Variants in SLC25A42 observed in about 807,000 individuals in gnomAD.
The protein encoded by SLC25A42 is mitochondrial coenzyme A transporter SLC25A42.
SLC25A42 carries 19 observed loss-of-function variants against 34.7 expected under a neutral mutation model. The observed-to-expected ratio is 0.55, with a 90% CI of 0.38 to 0.80. The LOEUF is 0.80. SLC25A42 is among the 30% of genes least tolerant of loss of function. The probability of loss-of-function intolerance (pLI) is 0.00; values close to 1 mark genes in which losing one functional copy is unlikely to be tolerated. For synonymous variants in SLC25A42, 205 were observed against 191.2 expected, an observed-to-expected ratio of 1.07 and a Z score of -0.59; for missense variants, 364 against 441.3, an observed-to-expected ratio of 0.82 and a Z score of 1.57.
At chr19:19,072,406 C>T (rs777350064) in intron 1 of SLC25A42, among the ~76,000 whole-genome samples, 17 of 152,140 alleles carry the variant, frequency 1.1e-4, no homozygotes, top group Non-Finnish European at 2.2e-4. Flanking sequence ...TTTTCAGAGT[C>T]TCACTGTGTT....
intron 2 of SLC25A42, among the ~76,000 whole-genome samples, chr19:19,100,432 T>A (rs2059789499): frequency 6.6e-6 from 1 of 151,962 alleles, no homozygotes; most frequent in African/African-American, 2.4e-5. Flanking sequence ...CTCTTTGCCA[T>A]CTCCTTTCTC....
intron 1 of SLC25A42, among the ~76,000 whole-genome samples, chr19:19,084,795 T>C (rs16995891): frequency 0.014 from 2,177 of 152,088 alleles, 48 homozygotes; most frequent in African/African-American, 0.047. Flanking sequence ...AGCAAAGTCT[T>C]GAGTAAGGGC....
At chr19:19,083,934 G>A (rs2145906712) in intron 1 of SLC25A42, among the ~76,000 whole-genome samples, 1 of 140,966 alleles carries the variant, frequency 7.1e-6, no homozygotes, top group East Asian at 2.1e-4. Flanking sequence ...GCACACACCT[G>A]CCCGCACCCC....
At chr19:19,080,566 G>A (rs1474095983) in intron 1 of SLC25A42, among the ~76,000 whole-genome samples, 1 of 152,108 alleles carries the variant, frequency 6.6e-6, no homozygotes, top group Non-Finnish European at 1.5e-5. Context: ...AGGATCACTT[G>A]AGGCCAGGAG....
At chr19:19,106,417 C>T in intron 6 of SLC25A42, 32 bp downstream of exon 6, 1 of 1,557,700 alleles carries the variant, frequency 6.4e-7, no homozygotes, top group Non-Finnish European at 8.8e-7. Flanking sequence ...GCGCATCAGC[C>T]CCGGGGGCTC....
At position 19,081,801 on chromosome 19, in the gene SLC25A42, C is replaced by A. The variant is rs549110819; in HGVS notation, c.-34-14290C>A. On this transcript the variant is annotated intron_variant, in intron 1 of 7. Transcript: ENST00000318596. The surrounding 1 kb of genome is among the most constrained non-coding windows in gnomAD (Gnocchi z 4.5). ...GGCTTCCTTGCCTCACTGTCCTCTT[C>A]GCTCCTTTAGCCGAGTGACCTCTGT... is the stretch of plus-strand genomic sequence containing the variant. Among the ~76,000 whole-genome samples, 43 of 152,334 alleles carry A rather than the reference C, an allele frequency of 2.8e-4. No individual in the cohort carries two copies. Among genetic ancestry groups the A allele is most frequent in the Middle Eastern group, 3.4e-3 (1 of 294 alleles).
Position 19,109,390 on chromosome 19 carries a change from C to T in SLC25A42, c.650-1179C>T, listed in dbSNP as rs959556142. On this transcript the variant is annotated intron_variant, in intron 7 of 7. Transcript: ENST00000318596. The surrounding 1 kb of genome is among the most constrained non-coding windows in gnomAD (Gnocchi z 4.1). ...CTCACCCCACGTGATGCCATCAGACCCCTTGTTTTTGCCCACCTGGTGAGC... is the reference window on the plus strand; with the variant it reads ...CTCACCCCACGTGATGCCATCAGACTCCTTGTTTTTGCCCACCTGGTGAGC... 6.6e-6 allele frequency among the ~76,000 whole-genome samples: 1 copy of T among 152,194 alleles called. No homozygotes were observed. The highest frequency in any genetic ancestry group is 2.4e-5 in the African/African-American group (1 of 41,446).
chr19:19,096,273 G>GCTCCCTGC, intron 2 of SLC25A42, 68 bp downstream of exon 2: 1 of 1,008,554 alleles, frequency 9.9e-7, no homozygotes, highest in East Asian at 5.2e-5. Flanking sequence ...CCCCTCCCAG[G>GCTCCCTGC]CTCCCTGCCT....
At chr19:19,101,965 C>A in intron 3 of SLC25A42, 79 bp downstream of exon 3, 1 of 848,232 alleles carries the variant, frequency 1.2e-6, no homozygotes, top group South Asian at 1.7e-5. Context: ...AACCACGCTT[C>A]AAATTGGCTT....
chr19:19,064,515 C>T (rs1369133658), intron 1 of SLC25A42, among the ~76,000 whole-genome samples: 1 of 147,454 alleles, frequency 6.8e-6, no homozygotes, highest in Non-Finnish European at 1.5e-5. Flanking sequence ...CACCCCCACA[C>T]CCACACCTGA....
intron 1 of SLC25A42, among the ~76,000 whole-genome samples, chr19:19,064,769 C>T (rs1042533868): frequency 6.6e-5 from 10 of 151,688 alleles, no homozygotes; most frequent in African/African-American, 2.4e-4. Flanking sequence ...TGTGTTCGCA[C>T]ACCCTCTGTA....
At chr19:19,086,681 C>T (rs1005735980) in intron 1 of SLC25A42, among the ~76,000 whole-genome samples, 1 of 152,028 alleles carries the variant, frequency 6.6e-6, no homozygotes, top group Non-Finnish European at 1.5e-5. Flanking sequence ...TGCTCTCTCA[C>T]CCAGGCTGGA....
intron 1 of SLC25A42, among the ~76,000 whole-genome samples, chr19:19,092,187 C>T (rs1416790900): frequency 2.0e-5 from 3 of 152,224 alleles, no homozygotes; most frequent in African/African-American, 7.2e-5. Flanking sequence ...ACTTAGGGCC[C>T]ACCCTAACCC....
At chr19:19,101,678 C>A in intron 2 of SLC25A42, 103 bp from the exon 3 acceptor site, 2 of 1,033,600 alleles carry the variant, frequency 1.9e-6, no homozygotes, top group South Asian at 3.1e-5. Context: ...GGGTACATCC[C>A]TCGGCCCCGG....
chr19:19,083,495 A>C (rs1404529384), intron 1 of SLC25A42, among the ~76,000 whole-genome samples: 1 of 152,212 alleles, frequency 6.6e-6, no homozygotes, highest in Non-Finnish European at 1.5e-5. Flanking sequence ...CCCAAATGTC[A>C]GGACAAGAGG....
intron 1 of SLC25A42, among the ~76,000 whole-genome samples, chr19:19,066,056 C>T (rs1263986066): frequency 6.6e-6 from 1 of 152,128 alleles, no homozygotes; most frequent in Non-Finnish European, 1.5e-5. Context: ...GGGGTTTCAC[C>T]ATGTTGGCTA....
chr19:19,089,421 A>G (rs190365985), intron 1 of SLC25A42, among the ~76,000 whole-genome samples: 2,029 of 151,828 alleles, frequency 0.013, 42 homozygotes, highest in African/African-American at 0.044. Flanking sequence ...CCAGCTACTC[A>G]GGAGGCTGAG....
At position 19,107,998 on chromosome 19, in the gene SLC25A42, C is replaced by G. The variant is rs925587101; in HGVS notation, c.602C>G (p.Ala201Gly). ...ACCGTGCTGGGGGTCATTCCCTACGCTGGCCTGAGCTTCTTCACCTATGAG... is the reference window on the plus strand; with the variant it reads ...ACCGTGCTGGGGGTCATTCCCTACGGTGGCCTGAGCTTCTTCACCTATGAG... ...MPTVLGVIPY[A>G]GLSFFTYETL... Residue 201 changes from alanine to glycine, a missense_variant, in exon 7 of 8, where the codon GCT becomes GGT. By Grantham distance (60) the Ala-to-Gly change is moderately conservative (BLOSUM62 0). Transcript: ENST00000318596. The G allele has an allele frequency of 2.5e-6, 4 of 1,609,828 alleles. No homozygotes were observed. Among genetic ancestry groups the G allele is most frequent in the African/African-American group, 2.7e-5 (2 of 74,844 alleles).
intron 1 of SLC25A42, among the ~76,000 whole-genome samples, chr19:19,091,973 G>A (rs2059740307): frequency 6.6e-6 from 1 of 152,188 alleles, no homozygotes; most frequent in African/African-American, 2.4e-5. Flanking sequence ...CTTGAGACAG[G>A]GAGGGTGGCG....
Sources: gnomAD v4.1 joint callset for allele counts (sites outside exome capture counted in the v4.1 genomes callset) on GRCh38, gnomAD v4.1.1 for gene constraint, Gnocchi (gnomAD v3.1) non-coding constraint, MANE v1.5 for transcripts, NCBI Gene and HGNC (gene_info 2026-07-23, HGNC 2026-07-21) for gene names.